The following SLC16A7 variants were observed in gnomAD, a reference collection of about 807,000 sequenced individuals.
SLC16A7 encodes monocarboxylate transporter 2.
A neutral mutation model predicts 34.9 loss-of-function variants in SLC16A7; 33 were observed. That is an observed-to-expected ratio of 0.94 (90% CI 0.72 to 1.26). The LOEUF (loss-of-function observed/expected upper bound fraction) is 1.26. Among genes scored for constraint, SLC16A7 ranks in the 50% most tolerant of loss-of-function variants. The pLI is 0.00. For missense variants in SLC16A7, 573 were observed against 578.1 expected, an observed-to-expected ratio of 0.99 and a Z score of 0.09; for synonymous variants, 201 against 206.6, an observed-to-expected ratio of 0.97 and a Z score of 0.23.
At chr12:59,714,549 T>TTC (rs143686501) in intron 3 of SLC16A7, among the ~76,000 whole-genome samples, 10 of 150,488 alleles carry the variant, frequency 6.6e-5, no homozygotes, top group African/African-American at 1.2e-4. Context: ...CCTGGTGTCT[T>TTC]TCTCTCTCTC....
At chr12:59,704,199 C>CAAAAAAAAAAAAAAAAAAAGAAAA (rs1873245521) in intron 2 of SLC16A7, among the ~76,000 whole-genome samples, 1 of 51,614 alleles carries the variant, frequency 1.9e-5, no homozygotes, top group African/African-American at 6.2e-5. Flanking sequence ...GACTCTGTCT[C>CAAAAAAAAAAAAAAAAAAAGAAAA]AAAAAAAAAA....
intron 2 of SLC16A7, among the ~76,000 whole-genome samples, chr12:59,676,319 T>C (rs1272835208): frequency 6.6e-6 from 1 of 152,220 alleles, no homozygotes; most frequent in Non-Finnish European, 1.5e-5. Flanking sequence ...TATATGTGCA[T>C]TTTGAGTAAA....
At chr12:59,613,347 CAT>C (rs1308485045) in intron 1 of SLC16A7, among the ~76,000 whole-genome samples, 8 of 152,190 alleles carry the variant, frequency 5.3e-5, no homozygotes, top group African/African-American at 1.7e-4. Context: ...CCTTCCATGA[CAT>C]GTGAGGATTA....
At chr12:59,651,425 A>G (rs140114575) in intron 1 of SLC16A7, among the ~76,000 whole-genome samples, 11 of 152,256 alleles carry the variant, frequency 7.2e-5, no homozygotes, top group African/African-American at 2.6e-4. Flanking sequence ...AAGTTATGCT[A>G]CTTATTAAGG....
At chr12:59,606,849 A>AAT (rs201958936) in intron 1 of SLC16A7, among the ~76,000 whole-genome samples, 8 of 147,630 alleles carry the variant, frequency 5.4e-5, no homozygotes, top group African/African-American at 7.4e-5. Context: ...TGTATGTGTG[A>AAT]ATATATATAT....
intron 3 of SLC16A7, among the ~76,000 whole-genome samples, chr12:59,707,415 T>C (rs1873711043): frequency 6.6e-6 from 1 of 152,060 alleles, no homozygotes; most frequent in Non-Finnish European, 1.5e-5. Flanking sequence ...ATGGCATAAT[T>C]AACTTTCTCA....
chr12:59,774,980 A>C lies in SLC16A7; in HGVS notation c.685A>C (p.Thr229Pro). The C allele has an allele frequency of 1.2e-6, 2 of 1,613,930 alleles. No homozygotes were observed. The highest frequency in any genetic ancestry group is 1.7e-6 in the Non-Finnish European group (2 of 1,179,924). Residue 229 changes from threonine to proline, a missense_variant, in exon 5 of 6, where the codon ACT becomes CCT. Transcript: ENST00000547379. Reference sequence around the variant, plus strand: ...AAAGAAAATCAAAACGAAGAAATCAACTTGGGAAAAAGTTAATAAGTATTT... The same window carrying C: ...AAAGAAAATCAAAACGAAGAAATCACCTTGGGAAAAAGTTAATAAGTATTT... ...SPKKIKTKKSTWEKVNKYLDF... is the reference protein window; with the variant it reads ...SPKKIKTKKSPWEKVNKYLDF...
chr12:59,646,830 G>A (rs1868256803), intron 1 of SLC16A7, among the ~76,000 whole-genome samples: 1 of 152,166 alleles, frequency 6.6e-6, no homozygotes, highest in Non-Finnish European at 1.5e-5. Flanking sequence ...TTGCATCATT[G>A]TGACCCAAAT....
At chr12:59,740,888 A>G (rs1878246802) in intron 3 of SLC16A7, among the ~76,000 whole-genome samples, 1 of 152,170 alleles carries the variant, frequency 6.6e-6, no homozygotes, top group Non-Finnish European at 1.5e-5. Flanking sequence ...TCAATGTACA[A>G]AAATCACAAG....
At chr12:59,708,897 C>G (rs1056057224) in intron 3 of SLC16A7, among the ~76,000 whole-genome samples, 8 of 151,752 alleles carry the variant, frequency 5.3e-5, no homozygotes, top group African/African-American at 1.9e-4. Context: ...AGAATAATGG[C>G]ATCACATTAC....
At chr12:59,766,674 A>C (rs1881673417) in intron 3 of SLC16A7, among the ~76,000 whole-genome samples, 1 of 152,224 alleles carries the variant, frequency 6.6e-6, no homozygotes, top group African/African-American at 2.4e-5. Flanking sequence ...CATCCCAGGC[A>C]TGAAGCCCAC....
At chr12:59,776,916 C>G (rs897184996) in intron 5 of SLC16A7, among the ~76,000 whole-genome samples, 2 of 152,070 alleles carry the variant, frequency 1.3e-5, no homozygotes, top group Non-Finnish European at 2.9e-5. Flanking sequence ...ATAAGATAAG[C>G]ACAATTGGTC....
At chr12:59,649,818 G>T (rs777214718) in intron 1 of SLC16A7, among the ~76,000 whole-genome samples, 1 of 151,810 alleles carries the variant, frequency 6.6e-6, no homozygotes, top group African/African-American at 2.4e-5. Context: ...GTGTGGTGGC[G>T]GGCACCTGTA....
intron 1 of SLC16A7, among the ~76,000 whole-genome samples, chr12:59,654,483 G>C (rs1320851754): frequency 6.6e-6 from 1 of 151,668 alleles, no homozygotes; most frequent in African/African-American, 2.4e-5. Flanking sequence ...TGAAAAACTT[G>C]TTTCAAGGTT....
At chr12:59,737,947 C>CTGATA (rs1402392540) in intron 3 of SLC16A7, among the ~76,000 whole-genome samples, 2 of 152,198 alleles carry the variant, frequency 1.3e-5, no homozygotes, top group Non-Finnish European at 2.9e-5. Flanking sequence ...ATTGCAGAGA[C>CTGATA]TGATACTGCT....
chr12:59,724,864 GTC>G, intron 3 of SLC16A7, among the ~76,000 whole-genome samples: 1 of 151,970 alleles, frequency 6.6e-6, no homozygotes, highest in South Asian at 2.1e-4. Context: ...TTAAAAGCAA[GTC>G]TCTATAAATT....
rs74094008 is a variant in SLC16A7, at chr12:59,690,544, G to A, written c.-30-14228G>A. 7.8e-3 allele frequency among the ~76,000 whole-genome samples: 1,191 copies of A among 152,070 alleles called. 10 individuals carry two copies. The highest frequency in any genetic ancestry group is 0.027 in the African/African-American group (1,124 of 41,536). On this transcript the variant is annotated intron_variant, in intron 2 of 5. Coordinates refer to ENST00000547379, the MANE Select transcript of SLC16A7 (RefSeq NM_001270623.2). ...AAAAAGAAAGAAGAGTGTAGGAAGG[G>A]CCAGTTATGTGGAGATGCCTAGAAA...
intron 2 of SLC16A7, among the ~76,000 whole-genome samples, chr12:59,702,655 A>G (rs1273936992): frequency 6.6e-6 from 1 of 152,114 alleles, no homozygotes; most frequent in Admixed American, 6.6e-5. Context: ...GTAGGCTTCT[A>G]ACATACAAAT....
chr12:59,738,966 A>C (rs1229758972), intron 3 of SLC16A7, among the ~76,000 whole-genome samples: 2 of 151,450 alleles, frequency 1.3e-5, no homozygotes, highest in Non-Finnish European at 2.9e-5. Context: ...ATGGAATATT[A>C]TATATTAGGA....
Sources: gnomAD v4.1 joint callset for allele counts (sites outside exome capture counted in the v4.1 genomes callset) on GRCh38, gnomAD v4.1.1 for gene constraint, MANE v1.5 for transcripts, NCBI Gene and HGNC (gene_info 2026-07-23, HGNC 2026-07-21) for gene names.